Variants in DPH6 observed in about 807,000 individuals in gnomAD.
DPH6 encodes the protein diphthamine biosynthesis 6.
In DPH6, 33 loss-of-function variants were observed where a neutral mutation model predicts 38.2. That is an observed-to-expected ratio of 0.86 (90% confidence interval 0.65 to 1.15). The LOEUF is 1.15. DPH6 is among the 50% of genes most tolerant of loss of function. The probability of loss-of-function intolerance (pLI) is 0.00; values close to 1 mark genes in which losing one functional copy is unlikely to be tolerated. For missense variants in DPH6, 325 were observed against 320.0 expected, an observed-to-expected ratio of 1.02 and a Z score of -0.12; for synonymous variants, 108 against 103.0, an observed-to-expected ratio of 1.05 and a Z score of -0.30.
At chr15:35,526,184 C>T (rs1008946643) in intron 3 of DPH6, among the ~76,000 whole-genome samples, 2 of 152,164 alleles carry the variant, frequency 1.3e-5, no homozygotes, top group Non-Finnish European at 2.9e-5. Context: ...TCCCTTCCCA[C>T]CTCCCTGCAA....
rs559702566 is a variant in DPH6, at chr15:35,332,093, C to T, written n.208-1016G>A. On this transcript the variant is annotated intron_variant and non_coding_transcript_variant, in intron 3 of 3. Coordinates refer to the DPH6 transcript ENST00000558973. ...GCTACAAAAACTCCTTACATTGCTT[C>T]GAATCAGCTTCTAGGATGGAAATTG... 5.3e-5 allele frequency among the ~76,000 whole-genome samples: 8 copies of T among 152,250 alleles called. No homozygotes were observed. The East Asian group carries it at 9.6e-4, about 18-fold the overall frequency.
At chr15:35,145,618 G>T in the DPH6 span, among the ~76,000 whole-genome samples, 1 of 152,172 alleles carries the variant, frequency 6.6e-6, no homozygotes, top group Non-Finnish European at 1.5e-5. Context: ...GATCCCTTCA[G>T]TTTGTCAAAA....
rs1489788901 is a variant in DPH6, at chr15:35,347,415, G to A, written n.208-16338C>T. On this transcript the variant is annotated intron_variant and non_coding_transcript_variant, in intron 3 of 3. Coordinates refer to the DPH6 transcript ENST00000558973. Reference sequence around the variant, plus strand: ...GATCCTCCTGCCTAGGCCTCCCAAAGTGCTGGAATTGTAAGTGTGAGCCAC... The same window carrying A: ...GATCCTCCTGCCTAGGCCTCCCAAAATGCTGGAATTGTAAGTGTGAGCCAC... 2.9e-4 allele frequency among the ~76,000 whole-genome samples: 43 copies of A among 150,712 alleles called. 1 individual carries two copies. The highest frequency in any genetic ancestry group is 2.8e-3 in the Admixed American group (43 of 15,136).
chr15:35,513,309 T>C lies in DPH6; in HGVS notation c.312+24965A>G, dbSNP rs577890674. On this transcript the variant is annotated intron_variant, in intron 3 of 8. Coordinates refer to ENST00000256538, the MANE Select transcript of DPH6 (RefSeq NM_080650.4). ...GAAAATTAACAAAGAATTTAGACTATAAAAAACAAGGCAGGAAGAACATGG... is the reference window on the plus strand; with the variant it reads ...GAAAATTAACAAAGAATTTAGACTACAAAAAACAAGGCAGGAAGAACATGG... Among the ~76,000 whole-genome samples, 470 of 151,972 alleles carry C rather than the reference T, an allele frequency of 3.1e-3. 1 individual carries two copies. Among genetic ancestry groups the C allele is most frequent in the African/African-American group, 0.011 (454 of 41,506 alleles).
At chr15:35,181,256 C>T in the DPH6 span, among the ~76,000 whole-genome samples, 2 of 151,928 alleles carry the variant, frequency 1.3e-5, no homozygotes, top group Admixed American at 6.6e-5. Flanking sequence ...TTACTCATGC[C>T]TGTGTTTACA....
the DPH6 span, among the ~76,000 whole-genome samples, chr15:35,188,997 C>T: frequency 2.6e-5 from 4 of 152,090 alleles, no homozygotes; most frequent in African/African-American, 4.8e-5. Flanking sequence ...GTCATTATTT[C>T]GAGTTTGAAG....
intron 3 of DPH6, among the ~76,000 whole-genome samples, chr15:35,466,403 G>T (rs76860674): frequency 0.032 from 4,865 of 152,052 alleles, 97 homozygotes; most frequent in East Asian, 0.11. Context: ...ACCTCAGTTT[G>T]GTAGGGTTTA....
At chr15:35,424,015 T>A (rs2053538322) in intron 5 of DPH6, among the ~76,000 whole-genome samples, 1 of 151,746 alleles carries the variant, frequency 6.6e-6, no homozygotes, top group South Asian at 2.1e-4. Context: ...CCTTTGTTCT[T>A]CTTCCTAAAG....
intron 7 of DPH6, among the ~76,000 whole-genome samples, chr15:35,375,920 T>C (rs1015293302): frequency 1.3e-5 from 2 of 152,162 alleles, no homozygotes; most frequent in African/African-American, 4.8e-5. Flanking sequence ...ACTGAACCAC[T>C]GTTTACCTCT....
intron 3 of DPH6, among the ~76,000 whole-genome samples, chr15:35,507,742 G>A (rs1566934864): frequency 6.6e-6 from 1 of 152,002 alleles, no homozygotes; most frequent in Non-Finnish European, 1.5e-5. Context: ...AATGCACAAT[G>A]ATACTAGAAA....
At chr15:35,405,791 G>A (rs2053284273) in intron 6 of DPH6, among the ~76,000 whole-genome samples, 1 of 151,994 alleles carries the variant, frequency 6.6e-6, no homozygotes, top group Admixed American at 6.6e-5. Context: ...AAGAGGAAAA[G>A]CTTTCAGTTT....
chr15:35,521,933 T>C, intron 3 of DPH6: 1 of 1,419,720 alleles, frequency 7.0e-7, no homozygotes, highest in South Asian at 1.6e-5. Flanking sequence ...CATGGAAAGT[T>C]CATTTTTGAA....
At chr15:35,315,741 A>G (rs2140834760) in intron 3 of DPH6, among the ~76,000 whole-genome samples, 1 of 152,348 alleles carries the variant, frequency 6.6e-6, no homozygotes, top group Middle Eastern at 3.4e-3. Context: ...CTGCACTCCC[A>G]TGTTTATTGC....
chr15:35,211,937 T>C, the DPH6 span, among the ~76,000 whole-genome samples: 2 of 152,228 alleles, frequency 1.3e-5, no homozygotes, highest in African/African-American at 4.8e-5. Context: ...CGGCTCTACA[T>C]ACATCACCCA....
At chr15:35,355,107 C>T (rs1481044921) in intron 3 of DPH6, among the ~76,000 whole-genome samples, 1 of 152,066 alleles carries the variant, frequency 6.6e-6, no homozygotes, top group East Asian at 1.9e-4. Context: ...AGGATTGCAA[C>T]CCTTGCCTTT....
chr15:35,234,093 G>A (rs1428958986), intron 3 of DPH6, among the ~76,000 whole-genome samples: 5 of 152,130 alleles, frequency 3.3e-5, no homozygotes, highest in Admixed American at 3.3e-4. Flanking sequence ...AAAAGTACCT[G>A]GTATATATGG....
At chr15:35,276,548 A>G (rs1408270705) in intron 3 of DPH6, among the ~76,000 whole-genome samples, 3 of 152,218 alleles carry the variant, frequency 2.0e-5, no homozygotes, top group Admixed American at 6.5e-5. Flanking sequence ...ATTGTCTTCT[A>G]GAATTTTTAT....
chr15:35,304,767 T>G lies in DPH6; in HGVS notation n.200+68754A>C, dbSNP rs1463713653. 3.3e-5 allele frequency among the ~76,000 whole-genome samples: 5 copies of G among 151,298 alleles called. No homozygotes were observed. The East Asian group carries it at 9.7e-4, about 29-fold the overall frequency. Reference sequence around the variant, plus strand: ...GTATGTTTAAGCCATTCTTCAAAGCTCATCTCTATGAAGCTATTTGGATGG... The same window carrying G: ...GTATGTTTAAGCCATTCTTCAAAGCGCATCTCTATGAAGCTATTTGGATGG... On this transcript the variant is annotated intron_variant and non_coding_transcript_variant, in intron 3 of 3. Transcript: ENST00000560386.
exon 4 of DPH6, chr15:35,220,008 T>C (rs1258031942): frequency 4.6e-5 from 7 of 152,238 alleles, no homozygotes; most frequent in Admixed American, 6.5e-5. Flanking sequence ...AACCTTACTA[T>C]GCTAAGCTTT....
Sources: gnomAD v4.1 joint callset for allele counts (sites outside exome capture counted in the v4.1 genomes callset) on GRCh38, gnomAD v4.1.1 for gene constraint, MANE v1.5 for transcripts, NCBI Gene and HGNC (gene_info 2026-07-23, HGNC 2026-07-21) for gene names.